CHCHD3: variants seen among roughly 807,000 people sequenced by gnomAD.
The protein encoded by CHCHD3 is MICOS complex subunit MIC19.
Under a neutral mutation model 38.2 loss-of-function variants are expected in CHCHD3, and 20 were observed. That is an observed-to-expected ratio of 0.52 (90% CI 0.37 to 0.76). CHCHD3 has a LOEUF of 0.76. Among genes scored for constraint, CHCHD3 ranks in the 30% least tolerant of loss-of-function variants. The pLI, the probability that CHCHD3 is intolerant of heterozygous loss-of-function variation, is 0.00. For synonymous variants in CHCHD3, 82 were observed against 100.0 expected, an observed-to-expected ratio of 0.82 and a Z score of 1.07; for missense variants, 245 against 279.2, an observed-to-expected ratio of 0.88 and a Z score of 0.87.
chr7:132,985,681 G>C lies in CHCHD3; in HGVS notation c.252-10395C>G, dbSNP rs1288934576. On this transcript the variant is annotated intron_variant, in intron 3 of 7. Coordinates refer to ENST00000262570, the MANE Select transcript of CHCHD3 (RefSeq NM_017812.4). ...GCCGCCCCATCCGGGAGGGAGGTGG[G>C]GGGGGGGTCAGCCCCCCGCCCGGCC... Among the ~76,000 whole-genome samples the C allele has an allele frequency of 4.1e-5, 3 of 73,930 alleles. 1 individual carries two copies. The highest frequency in any genetic ancestry group is 8.3e-5 in the Non-Finnish European group (3 of 36,144). 48.5% of individuals were successfully genotyped at this position (73,930 alleles called of 152,430 possible). A position where few individuals can be genotyped will look rare whatever the true frequency, so the allele number is the denominator to read the frequency against.
At chr7:133,042,901 T>C (rs184708827) in intron 2 of CHCHD3, among the ~76,000 whole-genome samples, 7 of 152,270 alleles carry the variant, frequency 4.6e-5, no homozygotes, top group Non-Finnish European at 7.4e-5. Flanking sequence ...GGGTCTCACT[T>C]TGCCACCCAG....
At chr7:133,054,578 A>C (rs1814257733) in intron 2 of CHCHD3, among the ~76,000 whole-genome samples, 1 of 152,234 alleles carries the variant, frequency 6.6e-6, no homozygotes. Context: ...TATTGACACA[A>C]AATGTGTATA....
intron 3 of CHCHD3, among the ~76,000 whole-genome samples, chr7:133,020,943 G>C (rs925868541): frequency 6.6e-6 from 1 of 150,416 alleles, no homozygotes; most frequent in South Asian, 2.1e-4. Flanking sequence ...CTTTTTTGGT[G>C]GGGGGAGAAC....
intron 4 of CHCHD3, among the ~76,000 whole-genome samples, chr7:132,911,745 C>T (rs961971427): frequency 2.0e-5 from 3 of 152,218 alleles, no homozygotes; most frequent in Non-Finnish European, 4.4e-5. Flanking sequence ...CTCTCCATAA[C>T]CCTTCTTTTA....
chr7:132,885,876 T>C (rs187402681), intron 4 of CHCHD3, 131 bp from the exon 5 acceptor site: 73 of 533,356 alleles, frequency 1.4e-4, no homozygotes, highest in African/African-American at 5.6e-4. Flanking sequence ...GTCTCTGCCA[T>C]AGAAAAACAT....
intron 1 of CHCHD3, among the ~76,000 whole-genome samples, chr7:133,075,721 G>C (rs1697034219): frequency 6.6e-6 from 1 of 152,188 alleles, no homozygotes. Context: ...CAAAATGGGG[G>C]TCGATAGTAC....
chr7:133,074,240 C>A (rs1814911744), intron 1 of CHCHD3, among the ~76,000 whole-genome samples: 2 of 152,176 alleles, frequency 1.3e-5, no homozygotes, highest in African/African-American at 4.8e-5. Context: ...CATCAGTGAA[C>A]TAAATAGTCT....
chr7:133,038,208 T>C (rs948297566), intron 2 of CHCHD3, among the ~76,000 whole-genome samples: 20 of 152,180 alleles, frequency 1.3e-4, no homozygotes, highest in African/African-American at 4.8e-4. Flanking sequence ...CATATACCAT[T>C]ATAAGACTAT....
At chr7:132,838,615 T>A in intron 5 of CHCHD3, 146 bp from the exon 6 acceptor site, 2 of 599,906 alleles carry the variant, frequency 3.3e-6, no homozygotes, top group East Asian at 5.6e-5. Context: ...TGGATACTTA[T>A]AAAACACATG....
chr7:132,856,961 AGCT>A (rs1808354996), intron 5 of CHCHD3, among the ~76,000 whole-genome samples: 1 of 152,204 alleles, frequency 6.6e-6, no homozygotes, highest in Non-Finnish European at 1.5e-5. Context: ...TCAGGTTGAC[AGCT>A]GGGAAAATGA....
chr7:132,885,184 G>A (rs1809172727), intron 5 of CHCHD3, among the ~76,000 whole-genome samples: 1 of 152,148 alleles, frequency 6.6e-6, no homozygotes, highest in Non-Finnish European at 1.5e-5. Flanking sequence ...CCTGGTAGGT[G>A]GAGGTTGCAG....
intron 4 of CHCHD3, chr7:132,973,815 C>T: frequency 3.6e-6 from 4 of 1,102,750 alleles, no homozygotes; most frequent in Non-Finnish European, 4.5e-6. Flanking sequence ...TAGTGTTTCC[C>T]AATTGCCTAG....
intron 5 of CHCHD3, among the ~76,000 whole-genome samples, chr7:132,853,906 G>T (rs1410367905): frequency 6.6e-6 from 1 of 152,110 alleles, no homozygotes; most frequent in Non-Finnish European, 1.5e-5. Context: ...TAGACTGCAG[G>T]TGTCTAGCAC....
chr7:133,081,976 C>A lies in CHCHD3; in HGVS notation c.-39G>T. 2 of 1,502,278 alleles carry A rather than the reference C, an allele frequency of 1.3e-6. No individual in the cohort carries two copies. The highest frequency in any genetic ancestry group is 1.3e-5 in the South Asian group (1 of 77,758). 93.1% of individuals were successfully genotyped at this position (1,502,278 alleles called of 1,614,324 possible). ...GCCCCAGCGGAGACCTAGCGGGGAACCACGAGCACTTCGGGGCCCCCGCAC... is the reference window on the plus strand; with the variant it reads ...GCCCCAGCGGAGACCTAGCGGGGAAACACGAGCACTTCGGGGCCCCCGCAC... On this transcript the variant is annotated 5_prime_UTR_variant, in exon 1 of 8. Coordinates refer to ENST00000262570, the MANE Select transcript of CHCHD3 (RefSeq NM_017812.4).
At chr7:133,026,079 C>G (rs1349044240) in intron 2 of CHCHD3, among the ~76,000 whole-genome samples, 1 of 152,098 alleles carries the variant, frequency 6.6e-6, no homozygotes, top group Admixed American at 6.5e-5. Context: ...AGCTAAAAAG[C>G]CCTCAGAATG....
intron 1 of CHCHD3, among the ~76,000 whole-genome samples, chr7:133,072,790 C>T (rs1011672880): frequency 8.1e-5 from 12 of 148,468 alleles, no homozygotes; most frequent in African/African-American, 2.0e-4. Flanking sequence ...AGTGAGATCG[C>T]GCCACAGCCT....
intron 6 of CHCHD3, among the ~76,000 whole-genome samples, chr7:132,815,062 G>A (rs1025457352): frequency 8.5e-5 from 13 of 152,300 alleles, no homozygotes; most frequent in African/African-American, 3.1e-4. Flanking sequence ...ACCACATACT[G>A]TATAATGAAA....
At chr7:132,966,020 T>G (rs1811455966) in intron 4 of CHCHD3, among the ~76,000 whole-genome samples, 1 of 152,214 alleles carries the variant, frequency 6.6e-6, no homozygotes. Flanking sequence ...TTCCACTGTA[T>G]TTTTTTCAAA....
chr7:132,983,294 G>A (rs1180065826), intron 3 of CHCHD3, among the ~76,000 whole-genome samples: 1 of 152,188 alleles, frequency 6.6e-6, no homozygotes, highest in Non-Finnish European at 1.5e-5. Flanking sequence ...TTGCACTCCA[G>A]CCTGGGTGAC....
Sources: gnomAD v4.1 joint callset for allele counts (sites outside exome capture counted in the v4.1 genomes callset) on GRCh38, gnomAD v4.1.1 for gene constraint, MANE v1.5 for transcripts, NCBI Gene and HGNC (gene_info 2026-07-23, HGNC 2026-07-21) for gene names.